The following PIAS2 variants were observed in gnomAD, a reference collection of about 807,000 sequenced individuals.
PIAS2 encodes protein inhibitor of activated STAT 2, also known as E3 SUMO-protein ligase PIAS2.
PIAS2 carries 19 observed loss-of-function variants against 69.7 expected under a neutral mutation model. That is an observed-to-expected ratio of 0.27 (90% confidence interval 0.19 to 0.40). PIAS2 has a LOEUF of 0.40. Among genes scored for constraint, PIAS2 ranks in the 10% least tolerant of loss-of-function variants. PIAS2 has a pLI of 1.00. For synonymous variants in PIAS2, 261 were observed against 263.2 expected (o/e 0.99, Z 0.08); for missense variants, 624 against 757.0 (o/e 0.82, Z 2.06).
rs746860891 is a variant in PIAS2, at chr18:46,816,113, CTT to C, written c.1649-766_1649-765del. The C allele has an allele frequency of 2.6e-3, 2,605 of 984,846 alleles. 2 individuals carry two copies. The highest frequency in any genetic ancestry group is 2.9e-3 in the Non-Finnish European group (2,429 of 829,406). 61.0% of individuals were successfully genotyped at this position (984,846 alleles called of 1,614,324 possible). On this transcript the variant is annotated intron_variant, in intron 12 of 13. Transcript: ENST00000585916. ...AGACCTCCCTGTGTGACTAAACTCT[CTT>C]TAATTATTTCAAAACATTAAAAAAG...
chr18:46,898,880 A>T (rs968405960), intron 1 of PIAS2, among the ~76,000 whole-genome samples: 5 of 151,938 alleles, frequency 3.3e-5, no homozygotes, highest in Non-Finnish European at 7.4e-5. Context: ...CTGTAATCCC[A>T]GCTACTTGGG....
chr18:46,893,164 T>G (rs1349349004), intron 1 of PIAS2, among the ~76,000 whole-genome samples: 1 of 152,154 alleles, frequency 6.6e-6, no homozygotes, highest in African/African-American at 2.4e-5. Flanking sequence ...CAACATCTCA[T>G]GCATTAAACA....
At chr18:46,855,659 A>T (rs753709344) in intron 3 of PIAS2, 44 bp from the exon 4 acceptor site, 1 of 1,448,008 alleles carries the variant, frequency 6.9e-7, no homozygotes, top group South Asian at 1.2e-5. Context: ...GTACAATGAG[A>T]ATTCTCAGAA....
intron 12 of PIAS2, chr18:46,818,007 G>A (rs1291848684): frequency 7.1e-6 from 7 of 987,274 alleles, no homozygotes; most frequent in African/African-American, 1.7e-5. Context: ...TATGCCCTCC[G>A]AAGTATTTCA....
chr18:46,917,008 A>C (rs2058020213), intron 1 of PIAS2: 6 of 986,684 alleles, frequency 6.1e-6, no homozygotes, highest in Non-Finnish European at 6.0e-6. Flanking sequence ...CTCACTGCGA[A>C]CCGGGATGTC....
In PIAS2 at chr18:46,836,496, T is replaced by C. The variant is rs374622820; in HGVS notation, c.1063A>G (p.Ile355Val). 5.6e-6 allele frequency: 9 copies of C among 1,612,076 alleles called. No individual in the cohort carries two copies. Among genetic ancestry groups the C allele is most frequent in the East Asian group, 2.2e-5 (1 of 44,876 alleles). ...MCPLGKMRLT[I>V]PCRAVTCTHL... ...GTACAAGTCACTGCACGGCATGGGATTGTCAGCCTCATTTTTCCTAACTAC... is the reference window on the plus strand; with the variant it reads ...GTACAAGTCACTGCACGGCATGGGACTGTCAGCCTCATTTTTCCTAACTAC... The change falls in exon 9 of 14, where the codon ATC becomes GTC. Residue 355 changes from isoleucine to valine, a missense_variant. Ile to Val is a conservative substitution (Grantham distance 29). Around this residue, in one of 3 missense-constraint regions of PIAS2, gnomAD observed 44 missense variants for 90.9 expected, o/e 0.48. Coordinates refer to ENST00000585916, the MANE Select transcript of PIAS2 (RefSeq NM_004671.5).
rs1039499217 is a variant in PIAS2 at position 46,811,309 on chromosome 18, A to C, written c.*1124T>G. The C allele has an allele frequency of 3.9e-5, 6 of 152,196 alleles. No homozygotes were observed. Among genetic ancestry groups the C allele is most frequent in the African/African-American group, 1.4e-4 (6 of 41,442 alleles). 9.4% of individuals were successfully genotyped at this position (152,196 alleles called of 1,614,324 possible). On this transcript the variant is annotated 3_prime_UTR_variant, in exon 14 of 14. Transcript: ENST00000585916. ...ATGCTGTCCCTTTCCCTAAGTTTGA[A>C]AATCACTGCTGAGACTGAAATTACA...
At chr18:46,852,898 C>G (rs2047183767) in intron 5 of PIAS2, 1 of 152,240 alleles carries the variant, frequency 6.6e-6, no homozygotes, top group African/African-American at 2.4e-5. Context: ...CAAGGTGAGT[C>G]CACAGACACC....
intron 1 of PIAS2, among the ~76,000 whole-genome samples, chr18:46,896,165 C>CG (rs2054839043): frequency 3.1e-5 from 1 of 31,952 alleles, no homozygotes; most frequent in Non-Finnish European, 6.2e-5. Flanking sequence ...AAGAAAAAAG[C>CG]AAAAAAAAAA....
intron 3 of PIAS2, among the ~76,000 whole-genome samples, chr18:46,859,274 A>T (rs990190958): frequency 6.6e-6 from 1 of 151,928 alleles, no homozygotes; most frequent in Non-Finnish European, 1.5e-5. Flanking sequence ...TAAAAATACA[A>T]AAAATTAGCC....
intron 1 of PIAS2, among the ~76,000 whole-genome samples, chr18:46,894,423 A>C (rs1046959172): frequency 1.3e-5 from 2 of 151,712 alleles, no homozygotes; most frequent in African/African-American, 2.4e-5. Flanking sequence ...TTCTCCACCA[A>C]CCTCTGATGT....
chr18:46,848,682 TAAA>T (rs2046505128), intron 5 of PIAS2, among the ~76,000 whole-genome samples: 1 of 151,926 alleles, frequency 6.6e-6, no homozygotes, highest in African/African-American at 2.4e-5. Flanking sequence ...TGAAAATCAT[TAAA>T]AACGTTTGAG....
intron 5 of PIAS2, among the ~76,000 whole-genome samples, chr18:46,849,943 A>G (rs1338913838): frequency 6.6e-6 from 1 of 152,184 alleles, no homozygotes; most frequent in African/African-American, 2.4e-5. Context: ...CAGATATTTA[A>G]CATGCATCTC....
chr18:46,820,999 A>C lies in PIAS2; in HGVS notation c.1582T>G (p.Ser528Ala), dbSNP rs2042109505. 1 of 1,613,550 alleles carries C rather than the reference A, an allele frequency of 6.2e-7. No homozygotes were observed. The highest frequency in any genetic ancestry group is 8.5e-7 in the Non-Finnish European group (1 of 1,179,588). ...TSVDPAAIPP[S>A]LTDYSVPFHH... ...AATGGTACTGAGTAGTCTGTTAATG[A>C]AGGCGGAATAGCAGCAGGATCAACC... Residue 528 changes from serine to alanine, a missense_variant, in exon 12 of 14, where the codon TCA (serine) becomes GCA (alanine). Transcript: ENST00000585916.
At chr18:46,919,324 C>T (rs1203164514), upstream of PIAS2, among the ~76,000 whole-genome samples, 4 of 151,936 alleles carry the variant, frequency 2.6e-5, no homozygotes, top group Admixed American at 6.6e-5. Context: ...CCGTCTCCAC[C>T]AAAAATGCAA....
In PIAS2 at chr18:46,808,489, G is replaced by C. The variant is rs900399213; in HGVS notation, c.*3944C>G. Reference sequence around the variant, plus strand: ...GGGGGGTGTTACAAACCAGTCACTAGGCAGGAACATTAGACTCCAAAAGCA... The same window carrying C: ...GGGGGGTGTTACAAACCAGTCACTACGCAGGAACATTAGACTCCAAAAGCA... On this transcript the variant is annotated 3_prime_UTR_variant, in exon 14 of 14. Coordinates refer to ENST00000585916, the MANE Select transcript of PIAS2 (RefSeq NM_004671.5). 1 of 152,260 alleles carries C rather than the reference G, an allele frequency of 6.6e-6. No individual in the cohort carries two copies. The highest frequency in any genetic ancestry group is 2.4e-5 in the African/African-American group (1 of 41,530). The allele number at this position is 152,260 out of a possible 1,614,324, so 9.4% of individuals were successfully genotyped here. A position where few individuals can be genotyped will look rare whatever the true frequency, so the allele number is the denominator to read the frequency against.
chr18:46,891,222 C>T (rs927312077), intron 1 of PIAS2, 168 bp from the exon 2 acceptor site: 3 of 693,356 alleles, frequency 4.3e-6, no homozygotes, highest in South Asian at 1.6e-5. Flanking sequence ...AAGACAATCC[C>T]GTAAAAATTA....
At chr18:46,919,729 A>G (rs2058423669), upstream of PIAS2, among the ~76,000 whole-genome samples, 1 of 152,246 alleles carries the variant, frequency 6.6e-6, no homozygotes, top group Non-Finnish European at 1.5e-5. Context: ...TAAATGCCTA[A>G]CAAATAGTTG....
intron 5 of PIAS2, chr18:46,853,697 G>A (rs1351072737): frequency 2.0e-5 from 3 of 153,066 alleles, no homozygotes; most frequent in Admixed American, 6.5e-5. Flanking sequence ...GCTGAGGCTG[G>A]AGAACTGCCT....
Sources: allele counts gnomAD v4.1 joint callset (sites outside exome capture counted in the v4.1 genomes callset), GRCh38; gene constraint gnomAD v4.1.1; regional missense constraint gnomAD v4.1.1; transcripts MANE v1.5; gene names NCBI Gene and HGNC (gene_info 2026-07-23, HGNC 2026-07-21).